RGS6: variants seen among roughly 807,000 people sequenced by gnomAD.
RGS6 encodes the protein regulator of G-protein signaling 6.
A neutral mutation model predicts 78.5 loss-of-function variants in RGS6; 30 were observed. The ratio of observed to expected loss-of-function variants is 0.38; its 90% CI spans 0.29 to 0.52. The LOEUF (loss-of-function observed/expected upper bound fraction) is 0.52, where lower values mean the gene tolerates loss of function less well. Ranked by LOEUF, RGS6 falls within the 20% of genes least tolerant of loss-of-function variation. The pLI is 0.85. For synonymous variants in RGS6, 206 were observed against 206.0 expected, an observed-to-expected ratio of 1.00 and a Z score of 0.00; for missense variants, 495 against 609.7, an observed-to-expected ratio of 0.81 and a Z score of 1.98.
At chr14:72,427,263 C>T (rs2094465962) in intron 3 of RGS6, among the ~76,000 whole-genome samples, 1 of 152,112 alleles carries the variant, frequency 6.6e-6, no homozygotes, top group Non-Finnish European at 1.5e-5. Flanking sequence ...TATGATTTTT[C>T]TCTTATTAGT....
intron 2 of RGS6, among the ~76,000 whole-genome samples, chr14:72,250,191 GTAAC>G (rs1384723960): frequency 6.6e-6 from 1 of 151,592 alleles, no homozygotes; most frequent in African/African-American, 2.4e-5. Context: ...GTATACATAT[GTAAC>G]TAACCTGCAC....
chr14:72,149,806 T>C (rs1465283265), intron 2 of RGS6, among the ~76,000 whole-genome samples: 1 of 152,238 alleles, frequency 6.6e-6, no homozygotes. Flanking sequence ...TGTAGACATA[T>C]TCAAATGTCT....
chr14:71,884,093 C>T, the RGS6 span, among the ~76,000 whole-genome samples: 1 of 152,118 alleles, frequency 6.6e-6, no homozygotes, highest in Non-Finnish European at 1.5e-5. Flanking sequence ...GTGTGAGATC[C>T]GAGAACCCTC....
chr14:72,037,091 A>G (rs1198866793), intron 2 of RGS6, among the ~76,000 whole-genome samples: 1 of 152,182 alleles, frequency 6.6e-6, no homozygotes, highest in Non-Finnish European at 1.5e-5. Flanking sequence ...AAAAGATTGT[A>G]AATGCACTAA....
intron 3 of RGS6, among the ~76,000 whole-genome samples, chr14:72,433,375 C>G (rs911522158): frequency 6.6e-6 from 1 of 151,988 alleles, no homozygotes; most frequent in Non-Finnish European, 1.5e-5. Flanking sequence ...GGAAAAATAA[C>G]TAATGCATGC....
chr14:72,128,115 CTT>C (rs1184626691), intron 2 of RGS6, among the ~76,000 whole-genome samples: 1 of 152,138 alleles, frequency 6.6e-6, no homozygotes, highest in South Asian at 2.1e-4. Flanking sequence ...GCAAGCAGGA[CTT>C]TTAAAAAACA....
At chr14:72,530,255 G>T (rs752592641) in intron 15 of RGS6, among the ~76,000 whole-genome samples, 2 of 152,194 alleles carry the variant, frequency 1.3e-5, no homozygotes, top group Non-Finnish European at 2.9e-5. Context: ...GTCTGGAGAG[G>T]TTCCAGGCAC....
the RGS6 span, among the ~76,000 whole-genome samples, chr14:71,905,249 C>A: frequency 6.6e-6 from 1 of 152,204 alleles, no homozygotes. Context: ...TTAGCTTTCC[C>A]ATTCATTCAC....
intron 3 of RGS6, among the ~76,000 whole-genome samples, chr14:72,431,251 C>G (rs1243802295): frequency 5.3e-5 from 8 of 152,140 alleles, no homozygotes; most frequent in African/African-American, 1.9e-4. Context: ...CCAAAATCAC[C>G]CTGGGGAATT....
intron 3 of RGS6, among the ~76,000 whole-genome samples, chr14:72,380,064 G>A (rs2085669930): frequency 1.3e-5 from 2 of 149,586 alleles, no homozygotes; most frequent in South Asian, 2.1e-4. Flanking sequence ...ACTCACTGAG[G>A]CAAAACAAAA....
At chr14:71,886,659 T>C in the RGS6 span, among the ~76,000 whole-genome samples, 1 of 152,224 alleles carries the variant, frequency 6.6e-6, no homozygotes, top group Admixed American at 6.5e-5. Flanking sequence ...GTGAACTGCA[T>C]GTTTGCAAGG....
intron 2 of RGS6, among the ~76,000 whole-genome samples, chr14:71,986,960 C>T (rs1040878640): frequency 1.4e-4 from 21 of 152,198 alleles, no homozygotes; most frequent in Middle Eastern, 3.4e-3. Context: ...ATAGGACCCC[C>T]GGTGATTACA....
At chr14:71,905,630 C>T in the RGS6 span, among the ~76,000 whole-genome samples, 11 of 152,264 alleles carry the variant, frequency 7.2e-5, no homozygotes, top group Admixed American at 4.6e-4. Context: ...GCTGGGATTA[C>T]AGGCACATGC....
chr14:72,164,990 G>A (rs1428866488), intron 2 of RGS6, among the ~76,000 whole-genome samples: 1 of 152,172 alleles, frequency 6.6e-6, no homozygotes, highest in Non-Finnish European at 1.5e-5. Flanking sequence ...AACCAGTCAG[G>A]GTGGAGGTGA....
chr14:72,269,582 T>C (rs879652869), intron 2 of RGS6, among the ~76,000 whole-genome samples: 4 of 145,994 alleles, frequency 2.7e-5, no homozygotes, highest in Non-Finnish European at 6.0e-5. Flanking sequence ...TTTTTTTTTT[T>C]TTTTTTTTTT....
intron 12 of RGS6, among the ~76,000 whole-genome samples, chr14:72,493,194 A>G (rs2153409436): frequency 6.6e-6 from 1 of 152,332 alleles, no homozygotes; most frequent in South Asian, 2.1e-4. Context: ...AGGAAGGCTC[A>G]GCGTGAAAGA....
chr14:72,163,755 C>A (rs969528964), intron 2 of RGS6, among the ~76,000 whole-genome samples: 8 of 152,052 alleles, frequency 5.3e-5, no homozygotes, highest in African/African-American at 1.9e-4. Context: ...TGGTGGCACT[C>A]ACCTGTAATC....
At chr14:72,008,981 A>G (rs2085132287) in intron 2 of RGS6, among the ~76,000 whole-genome samples, 3 of 152,218 alleles carry the variant, frequency 2.0e-5, no homozygotes, top group South Asian at 4.1e-4. Context: ...AATATTATTT[A>G]TGCTGAGCAC....
intron 2 of RGS6, among the ~76,000 whole-genome samples, chr14:72,268,200 G>T (rs576966734): frequency 1.3e-5 from 2 of 152,282 alleles, no homozygotes; most frequent in South Asian, 4.2e-4. Flanking sequence ...GCTTCCGGGG[G>T]AGCTCATCTT....
Sources: allele counts gnomAD v4.1 joint callset (sites outside exome capture counted in the v4.1 genomes callset), GRCh38; gene constraint gnomAD v4.1.1; transcripts MANE v1.5; gene names NCBI Gene and HGNC (gene_info 2026-07-23, HGNC 2026-07-21).